Variants in IGF2BP2 observed in about 807,000 individuals in gnomAD.
IGF2BP2 encodes the protein insulin-like growth factor 2 mRNA-binding protein 2.
A neutral mutation model predicts 75.8 loss-of-function variants in IGF2BP2; 17 were observed. The ratio of observed to expected loss-of-function variants is 0.22; its 90% CI spans 0.15 to 0.34. IGF2BP2 has a LOEUF of 0.34. Ranked by LOEUF, IGF2BP2 falls within the 10% of genes least tolerant of loss-of-function variation. The pLI is 1.00. For missense variants in IGF2BP2, 516 were observed against 772.4 expected, an observed-to-expected ratio of 0.67 and a Z score of 3.93; for synonymous variants, 288 against 295.6, an observed-to-expected ratio of 0.97 and a Z score of 0.26.
At chr3:185,714,428 T>C (rs1039593133) in intron 2 of IGF2BP2, among the ~76,000 whole-genome samples, 1 of 152,218 alleles carries the variant, frequency 6.6e-6, no homozygotes, top group African/African-American at 2.4e-5. Flanking sequence ...TGTGAGCATA[T>C]CTTGGAAGAT....
intron 1 of IGF2BP2, among the ~76,000 whole-genome samples, chr3:185,824,211 T>G (rs1578429243): frequency 6.8e-5 from 4 of 58,628 alleles, no homozygotes; most frequent in Admixed American, 1.7e-4. Context: ...GTCACCAGGG[T>G]GGCGCCGAGG....
chr3:185,824,368 G>A (rs945158834), intron 1 of IGF2BP2, among the ~76,000 whole-genome samples: 1 of 150,832 alleles, frequency 6.6e-6, no homozygotes, highest in African/African-American at 2.4e-5. Context: ...AAGAGACGCT[G>A]GATTTGGGGA....
At chr3:185,679,120 T>C (rs563555179) in intron 7 of IGF2BP2, among the ~76,000 whole-genome samples, 28 of 152,244 alleles carry the variant, frequency 1.8e-4, no homozygotes, top group Non-Finnish European at 3.2e-4. Flanking sequence ...AAGTAATTAC[T>C]GATAGGGAAG....
intron 7 of IGF2BP2, among the ~76,000 whole-genome samples, chr3:185,678,144 A>C (rs1348363884): frequency 6.6e-6 from 1 of 152,214 alleles, no homozygotes; most frequent in African/African-American, 2.4e-5. Flanking sequence ...AGAAAACCAC[A>C]CTGACACACA....
chr3:185,807,906 AAAG>A (rs1739234618), intron 2 of IGF2BP2, among the ~76,000 whole-genome samples: 1 of 151,592 alleles, frequency 6.6e-6, no homozygotes, highest in South Asian at 2.1e-4. Flanking sequence ...CCATCTCCTG[AAAG>A]ATGATGAGTC....
chr3:185,645,304 G>C lies in IGF2BP2; in HGVS notation c.*227C>G, dbSNP rs1397224706. 2 of 554,738 alleles carry C rather than the reference G, an allele frequency of 3.6e-6. No homozygotes were observed. Among genetic ancestry groups the C allele is most frequent in the Non-Finnish European group, 6.4e-6 (2 of 310,766 alleles). The allele number at this position is 554,738 out of a possible 1,614,324, so 34.4% of individuals were successfully genotyped here. On this transcript the variant is annotated 3_prime_UTR_variant, in exon 16 of 16. Transcript: ENST00000382199. The surrounding 1 kb of genome is among the most constrained non-coding windows in gnomAD (Gnocchi z 4.9). ...AAGCCTGCAGAAGCCCTGGGGGGCG[G>C]GAGGCGGGGCTCGGTGGTTCTGGCA...
At chr3:185,704,204 G>A (rs1029176470) in intron 2 of IGF2BP2, among the ~76,000 whole-genome samples, 2 of 152,154 alleles carry the variant, frequency 1.3e-5, no homozygotes, top group East Asian at 1.9e-4. Context: ...TATGCTAACC[G>A]GCCCCGAGCT....
chr3:185,690,700 G>C (rs889678579), intron 5 of IGF2BP2, among the ~76,000 whole-genome samples: 2 of 152,162 alleles, frequency 1.3e-5, no homozygotes, highest in African/African-American at 4.8e-5. Context: ...CCCTGGAATG[G>C]TTTCAACATT....
chr3:185,680,983 T>C (rs1438687614), intron 7 of IGF2BP2, among the ~76,000 whole-genome samples: 2 of 152,080 alleles, frequency 1.3e-5, no homozygotes, highest in East Asian at 3.8e-4. Context: ...AACATCACAC[T>C]CAACGATGAA....
At chr3:185,809,557 G>C (rs1281103324) in intron 2 of IGF2BP2, among the ~76,000 whole-genome samples, 1 of 152,172 alleles carries the variant, frequency 6.6e-6, no homozygotes, top group African/African-American at 2.4e-5. Flanking sequence ...CTGAGCACTG[G>C]AAGATGAGGC....
At chr3:185,673,035 C>A in intron 9 of IGF2BP2, among the ~76,000 whole-genome samples, 1 of 152,168 alleles carries the variant, frequency 6.6e-6, no homozygotes. Context: ...CAAGGAAGTG[C>A]TTTTCTCCCT....
At chr3:185,803,268 T>C (rs1032531201) in intron 2 of IGF2BP2, among the ~76,000 whole-genome samples, 3 of 152,164 alleles carry the variant, frequency 2.0e-5, no homozygotes, top group South Asian at 2.1e-4. Flanking sequence ...GGATAATCAC[T>C]TGAACCTGGG....
rs114825197 is a variant in IGF2BP2 at position 185,820,782 on chromosome 3, C to T, written c.239+2371G>A. Reference sequence around the variant, plus strand: ...TCTTGAGAAATCAAAGAAATCACTACAATACAAAGAAAATGCACTCAATTG... The same window carrying T: ...TCTTGAGAAATCAAAGAAATCACTATAATACAAAGAAAATGCACTCAATTG... On this transcript the variant is annotated intron_variant, in intron 2 of 15. Coordinates refer to ENST00000382199, the MANE Select transcript of IGF2BP2 (RefSeq NM_006548.6). Among the ~76,000 whole-genome samples, 831 of 152,210 alleles carry T rather than the reference C, an allele frequency of 5.5e-3. 8 individuals carry two copies. The highest frequency in any genetic ancestry group is 0.019 in the African/African-American group (805 of 41,540).
At chr3:185,798,803 T>C (rs542505645) in intron 2 of IGF2BP2, among the ~76,000 whole-genome samples, 1 of 151,090 alleles carries the variant, frequency 6.6e-6, no homozygotes, top group Admixed American at 6.6e-5. Flanking sequence ...TTCTTTTTTT[T>C]TTTTGAGACA....
At chr3:185,665,398 G>GAGGAGA (rs1717269432) in intron 10 of IGF2BP2, among the ~76,000 whole-genome samples, 8 of 113,336 alleles carry the variant, frequency 7.1e-5, no homozygotes, top group Non-Finnish European at 1.3e-4. Flanking sequence ...GAAGGAGGAG[G>GAGGAGA]AGGAGAAGGA....
In IGF2BP2 at chr3:185,774,472, A is replaced by G. The variant is rs572218466; in HGVS notation, c.239+48681T>C. On this transcript the variant is annotated intron_variant, in intron 2 of 15. Transcript: ENST00000382199. ...TAGCCAGGCATGGTGGCAGGCACCT[A>G]TAGTCCCAGCTACTCAGGAGGCTGA... is the stretch of plus-strand genomic sequence containing the variant. Among the ~76,000 whole-genome samples the G allele has an allele frequency of 1.2e-4, 18 of 151,996 alleles. No homozygotes were observed. The South Asian group carries it at 3.1e-3, about 26-fold the overall frequency.
chr3:185,714,161 C>CT (rs34348107), intron 2 of IGF2BP2, among the ~76,000 whole-genome samples: 4,172 of 145,944 alleles, frequency 0.029, 74 homozygotes, highest in Non-Finnish European at 0.04. Flanking sequence ...GAATACATTC[C>CT]TTTTTTTTTT....
At chr3:185,695,352 T>C (rs1722446116) in intron 4 of IGF2BP2, among the ~76,000 whole-genome samples, 1 of 152,238 alleles carries the variant, frequency 6.6e-6, no homozygotes, top group Non-Finnish European at 1.5e-5. Context: ...TACGTATGAC[T>C]CTGCTGTCTA....
chr3:185,693,361 G>C (rs1016368574), intron 4 of IGF2BP2: 1 of 152,114 alleles, frequency 6.6e-6, no homozygotes, highest in African/African-American at 2.4e-5. Flanking sequence ...ATTATAATTT[G>C]CATTAATTCT....
Sources: allele counts gnomAD v4.1 joint callset (sites outside exome capture counted in the v4.1 genomes callset), GRCh38; gene constraint gnomAD v4.1.1; non-coding constraint Gnocchi (gnomAD v3.1); transcripts MANE v1.5; gene names NCBI Gene and HGNC (gene_info 2026-07-23, HGNC 2026-07-21).